TRAPPC9: variants seen among roughly 807,000 people sequenced by gnomAD.
TRAPPC9 encodes trafficking protein particle complex subunit 9.
A neutral mutation model predicts 124.0 loss-of-function variants in TRAPPC9; 83 were observed. That is an observed-to-expected ratio of 0.67 (90% CI 0.56 to 0.80). The LOEUF (loss-of-function observed/expected upper bound fraction) is 0.80. Ranked by LOEUF, TRAPPC9 falls within the 30% of genes least tolerant of loss-of-function variation. The pLI, the probability that TRAPPC9 is intolerant of heterozygous loss-of-function variation, is 0.00. For missense variants in TRAPPC9, 1,302 were observed against 1,508.3 expected (o/e 0.86, Z 2.27); for synonymous variants, 638 against 617.5 (o/e 1.03, Z -0.49).
At chr8:139,914,466 G>A (rs11777849) in intron 19 of TRAPPC9, among the ~76,000 whole-genome samples, 29,209 of 152,252 alleles carry the variant, frequency 0.19, 2,847 homozygotes, top group East Asian at 0.28. Context: ...GGTAGGCACC[G>A]GGGCAGCAGC....
chr8:140,079,696 C>T (rs949672011), intron 17 of TRAPPC9, among the ~76,000 whole-genome samples: 4 of 152,096 alleles, frequency 2.6e-5, no homozygotes, highest in African/African-American at 9.7e-5. Context: ...TTTGGGAGGC[C>T]AAGAGGGCGG....
chr8:140,223,903 T>G lies in TRAPPC9; in HGVS notation c.2432-2320A>C, dbSNP rs528787354. 2.6e-5 allele frequency among the ~76,000 whole-genome samples: 4 copies of G among 152,328 alleles called. No homozygotes were observed. The East Asian group carries it at 7.7e-4, about 29-fold the overall frequency. Reference sequence around the variant, plus strand: ...TCAAATCTTCAAAAGCTAAATTATCTTACGTTAAAAAATAGTCTACTTGAA... The same window carrying G: ...TCAAATCTTCAAAAGCTAAATTATCGTACGTTAAAAAATAGTCTACTTGAA... On this transcript the variant is annotated intron_variant, in intron 16 of 22. Coordinates refer to ENST00000438773, the MANE Select transcript of TRAPPC9 (RefSeq NM_001160372.4).
intron 19 of TRAPPC9, among the ~76,000 whole-genome samples, chr8:139,910,612 T>C (rs1332353379): frequency 2.1e-4 from 32 of 152,144 alleles, no homozygotes; most frequent in Admixed American, 2.0e-3. Flanking sequence ...GTGCCATAGA[T>C]AGTGAGCTGG....
chr8:140,370,883 C>A (rs1221800570), intron 8 of TRAPPC9, 81 bp downstream of exon 8: 3 of 1,515,162 alleles, frequency 2.0e-6, no homozygotes. Context: ...ACGATGTCTG[C>A]CACTCAGGGC....
chr8:140,140,576 G>A (rs1297307404), intron 17 of TRAPPC9, among the ~76,000 whole-genome samples: 1 of 152,168 alleles, frequency 6.6e-6, no homozygotes, highest in Non-Finnish European at 1.5e-5. Flanking sequence ...CTCCCATACA[G>A]TGATTTAGAG....
chr8:140,072,612 AGG>A (rs1563739114), intron 17 of TRAPPC9, among the ~76,000 whole-genome samples: 3 of 149,342 alleles, frequency 2.0e-5, no homozygotes, highest in African/African-American at 7.5e-5. Flanking sequence ...GAGGAGGAGG[AGG>A]AGGAGGAGGA....
intron 17 of TRAPPC9, among the ~76,000 whole-genome samples, chr8:140,035,336 T>C (rs111800960): frequency 4.6e-4 from 70 of 152,328 alleles, no homozygotes; most frequent in African/African-American, 1.5e-3. Flanking sequence ...TTCCGGCTTA[T>C]AGAAAGGAAT....
intron 17 of TRAPPC9, among the ~76,000 whole-genome samples, chr8:140,081,234 CA>C (rs1843795592): frequency 1.3e-5 from 2 of 152,192 alleles, no homozygotes; most frequent in Admixed American, 6.5e-5. Flanking sequence ...GTTCAGCACC[CA>C]TCAGCCTGGA....
intron 18 of TRAPPC9, among the ~76,000 whole-genome samples, chr8:140,018,324 A>ATTTTTTCTTTTTTCTTTTTTT (rs765656679): frequency 2.2e-4 from 26 of 119,786 alleles, no homozygotes; most frequent in African/African-American, 8.5e-4. Flanking sequence ...AACGTAAGTG[A>ATTTTTTCTTTTTTCTTTTTTT]TTTTTTTTTT....
Position 139,825,205 on chromosome 8 carries a change from G to A in TRAPPC9, c.3055+60674C>T, listed in dbSNP as rs1825538937. ...GGGGTGGCCTCAAGGCAGAGCTAGA[G>A]CCCAACAGGGCAGCCCACGCAGGGT... On this transcript the variant is annotated intron_variant, in intron 21 of 22. Coordinates refer to ENST00000438773, the MANE Select transcript of TRAPPC9 (RefSeq NM_001160372.4). The surrounding 1 kb of genome is among the most constrained non-coding windows in gnomAD (Gnocchi z 4.6). 6.6e-6 allele frequency among the ~76,000 whole-genome samples: 1 copy of A among 152,212 alleles called. No homozygotes were observed. The highest frequency in any genetic ancestry group is 2.1e-4 in the South Asian group (1 of 4,832).
intron 8 of TRAPPC9, among the ~76,000 whole-genome samples, chr8:140,370,017 C>T (rs966322474): frequency 4.3e-4 from 66 of 152,122 alleles, no homozygotes; most frequent in African/African-American, 1.5e-3. Flanking sequence ...GGAAATTAAC[C>T]TAGATGACAT....
At chr8:140,105,897 T>C (rs987601808) in intron 17 of TRAPPC9, among the ~76,000 whole-genome samples, 3 of 152,138 alleles carry the variant, frequency 2.0e-5, no homozygotes, top group Non-Finnish European at 2.9e-5. Flanking sequence ...CACTCCTTCA[T>C]AGGAGACCTT....
intron 17 of TRAPPC9, among the ~76,000 whole-genome samples, chr8:140,163,978 C>T (rs933360646): frequency 6.6e-6 from 1 of 152,162 alleles, no homozygotes; most frequent in East Asian, 1.9e-4. Context: ...TAATTTAACT[C>T]GTTCGTGAAG....
chr8:140,433,744 T>C (rs2070727792), intron 4 of TRAPPC9, among the ~76,000 whole-genome samples: 1 of 152,106 alleles, frequency 6.6e-6, no homozygotes, highest in African/African-American at 2.4e-5. Context: ...ATTTTCTCAA[T>C]CACAAAAAAG....
Position 140,405,430 on chromosome 8 carries a change from C to T in TRAPPC9, c.1008+147G>A. 4 of 798,782 alleles carry T rather than the reference C, an allele frequency of 5.0e-6. No homozygotes were observed. The South Asian group carries it at 7.1e-5, about 14-fold the overall frequency. The allele number at this position is 798,782 out of a possible 1,614,324, so 49.5% of individuals were successfully genotyped here. A position where few individuals can be genotyped will look rare whatever the true frequency, so the allele number is the denominator to read the frequency against. ...AATCAGAAAAAGAAAACATTTTAGG[C>T]ATATAGTACTATGCATTAGAGAGCA... On this transcript the variant is annotated intron_variant, in intron 6 of 22. Transcript: ENST00000438773.
chr8:139,790,438 G>A, intron 21 of TRAPPC9, among the ~76,000 whole-genome samples: 1 of 152,194 alleles, frequency 6.6e-6, no homozygotes, highest in East Asian at 1.9e-4. Flanking sequence ...ATGGGGTTCG[G>A]AGACCACAGC....
chr8:140,458,496 G>A, upstream of TRAPPC9: 2 of 1,578,152 alleles, frequency 1.3e-6, no homozygotes, highest in Non-Finnish European at 1.7e-6. Context: ...AGGCACGTGA[G>A]GTGCGAGCCC....
At position 139,851,427 on chromosome 8, in the gene TRAPPC9, T is replaced by C. The variant is rs530927405; in HGVS notation, c.3055+34452A>G. Among the ~76,000 whole-genome samples, 182 of 152,254 alleles carry C rather than the reference T, an allele frequency of 1.2e-3. 1 individual carries two copies. Among genetic ancestry groups the C allele is most frequent in the Non-Finnish European group, 1.9e-3 (128 of 68,026 alleles). ...GCTCCTCCATCTTGACTCCGGGAGC[T>C]GTATGCGAGTGACAACAGGATGGTG... On this transcript the variant is annotated intron_variant, in intron 21 of 22. Transcript: ENST00000438773.
At chr8:140,375,526 G>C (rs893450667) in intron 7 of TRAPPC9, among the ~76,000 whole-genome samples, 1 of 152,178 alleles carries the variant, frequency 6.6e-6, no homozygotes, top group African/African-American at 2.4e-5. Context: ...TGGAGAGGGA[G>C]GAATACAGCC....
Sources: gnomAD v4.1 joint callset for allele counts (sites outside exome capture counted in the v4.1 genomes callset) on GRCh38, gnomAD v4.1.1 for gene constraint, Gnocchi (gnomAD v3.1) non-coding constraint, MANE v1.5 for transcripts, NCBI Gene and HGNC (gene_info 2026-07-23, HGNC 2026-07-21) for gene names.